UGCG: variants seen among roughly 807,000 people sequenced by gnomAD.
UGCG encodes the protein ceramide glucosyltransferase.
In UGCG, 10 loss-of-function variants were observed where a neutral mutation model predicts 49.5. That is an observed-to-expected ratio of 0.20 (90% CI 0.12 to 0.34). The LOEUF is 0.34. UGCG is among the 10% of genes least tolerant of loss of function. The probability of loss-of-function intolerance (pLI) is 1.00; values close to 1 mark genes in which losing one functional copy is unlikely to be tolerated. For missense variants in UGCG, 312 were observed against 483.7 expected, an observed-to-expected ratio of 0.65 and a Z score of 3.33; for synonymous variants, 182 against 158.2, an observed-to-expected ratio of 1.15 and a Z score of -1.13.
chr9:111,902,380 G>A (rs1479937996), intron 1 of UGCG, among the ~76,000 whole-genome samples: 1 of 152,180 alleles, frequency 6.6e-6, no homozygotes, highest in East Asian at 1.9e-4. Context: ...TGCACAAGAA[G>A]GTGTGCTTTA....
chr9:111,908,022 T>G (rs1207689690), intron 1 of UGCG, among the ~76,000 whole-genome samples: 1 of 152,142 alleles, frequency 6.6e-6, no homozygotes, highest in African/African-American at 2.4e-5. Context: ...TTTCTGATTT[T>G]TTGGTTGTTT....
intron 2 of UGCG, among the ~76,000 whole-genome samples, chr9:111,917,516 G>A (rs1432716674): frequency 6.6e-6 from 1 of 152,224 alleles, no homozygotes. Flanking sequence ...TTTTACCAGA[G>A]TATGGAAATG....
At chr9:111,930,043 C>G (rs1838395281) in intron 6 of UGCG, among the ~76,000 whole-genome samples, 1 of 152,086 alleles carries the variant, frequency 6.6e-6, no homozygotes, top group Non-Finnish European at 1.5e-5. Flanking sequence ...GTCTTGAACT[C>G]CTGAACTCAA....
Position 111,933,487 on chromosome 9 carries a change from T to C in UGCG, c.*490T>C, listed in dbSNP as rs1014568479. On this transcript the variant is annotated 3_prime_UTR_variant, in exon 9 of 9. Transcript: ENST00000374279. ...CAGTGAACAACACATGGCGAGGTAC[T>C]AACTGAGAAACTTTTTCATGCTTTA... The C allele has an allele frequency of 1.3e-5, 2 of 152,128 alleles. No individual in the cohort carries two copies. The highest frequency in any genetic ancestry group is 3.8e-4 in the East Asian group (2 of 5,204). 9.4% of individuals were successfully genotyped at this position (152,128 alleles called of 1,614,324 possible).
rs761736102 is a variant in UGCG at position 111,926,376 on chromosome 9, A to G, written c.446-8A>G. The G allele has an allele frequency of 6.3e-7, 1 of 1,583,648 alleles. No homozygotes were observed. ...TCTCCCCCTCTCTGCCTTTTTTTTA[A>G]ATTGTAGTAATTCCAGATACGCTTA... is the stretch of plus-strand genomic sequence containing the variant. On this transcript the variant is annotated splice_polypyrimidine_tract_variant and splice_region_variant and intron_variant, in intron 4 of 8. Transcript: ENST00000374279.
Position 111,931,158 on chromosome 9 carries a change from C to T in UGCG, c.738-113C>T, listed in dbSNP as rs923861287. 1.1e-5 allele frequency: 11 copies of T among 988,800 alleles called. No individual in the cohort carries two copies. In the Admixed American group the frequency reaches 1.9e-4, roughly 17 times the overall value. 61.3% of individuals were successfully genotyped at this position (988,800 alleles called of 1,614,324 possible). Reference sequence around the variant, plus strand: ...ATGTGCTAATCATGAAAGCTGGGCTCACCCTGAATACCGGCAGTTGCCTGG... The same window carrying T: ...ATGTGCTAATCATGAAAGCTGGGCTTACCCTGAATACCGGCAGTTGCCTGG... On this transcript the variant is annotated intron_variant, in intron 6 of 8. Transcript: ENST00000374279.
intron 1 of UGCG, among the ~76,000 whole-genome samples, chr9:111,909,203 A>G (rs1837950334): frequency 6.6e-6 from 1 of 152,212 alleles, no homozygotes; most frequent in African/African-American, 2.4e-5. Flanking sequence ...TATAAGCATG[A>G]GCCACTGCAC....
At chr9:111,902,817 G>A (rs1266418859) in intron 1 of UGCG, among the ~76,000 whole-genome samples, 2 of 149,468 alleles carry the variant, frequency 1.3e-5, no homozygotes, top group Admixed American at 1.3e-4. Flanking sequence ...TCATTCTGTT[G>A]CCCAGGCTGG....
chr9:111,898,773 T>C (rs1014404244), intron 1 of UGCG, among the ~76,000 whole-genome samples: 3 of 152,150 alleles, frequency 2.0e-5, no homozygotes, highest in Admixed American at 6.6e-5. Context: ...TAACCTTTTG[T>C]GACTATCCTT....
At chr9:111,909,159 A>T (rs533943351) in intron 1 of UGCG, among the ~76,000 whole-genome samples, 2 of 152,258 alleles carry the variant, frequency 1.3e-5, no homozygotes, top group South Asian at 4.1e-4. Context: ...ACCTCAAGTG[A>T]TCCGCCTGCC....
chr9:111,897,534 A>C (rs1459200423), intron 1 of UGCG, among the ~76,000 whole-genome samples: 1 of 152,142 alleles, frequency 6.6e-6, no homozygotes, highest in Non-Finnish European at 1.5e-5. Context: ...GCTGGGTTGC[A>C]GGCGACTGCC....
At chr9:111,915,565 C>T (rs1229151363) in intron 2 of UGCG, among the ~76,000 whole-genome samples, 2 of 152,152 alleles carry the variant, frequency 1.3e-5, no homozygotes, top group Non-Finnish European at 2.9e-5. Context: ...TTAGTTTTCC[C>T]TTTGCGGTCT....
chr9:111,904,347 G>C (rs1837835066), intron 1 of UGCG, among the ~76,000 whole-genome samples: 1 of 152,142 alleles, frequency 6.6e-6, no homozygotes, highest in Non-Finnish European at 1.5e-5. Context: ...GCATTGCGGT[G>C]CTGCCTGGCA....
At chr9:111,931,652 A>T (rs980894829) in intron 7 of UGCG, among the ~76,000 whole-genome samples, 9 of 152,164 alleles carry the variant, frequency 5.9e-5, no homozygotes, top group Non-Finnish European at 8.8e-5. Flanking sequence ...ATCTGTATTC[A>T]TCAGAGCGTA....
intron 2 of UGCG, among the ~76,000 whole-genome samples, chr9:111,917,222 G>A (rs1009736495): frequency 6.6e-6 from 1 of 152,140 alleles, no homozygotes; most frequent in Non-Finnish European, 1.5e-5. Flanking sequence ...CTTATATTTA[G>A]CTGTATAAAT....
At chr9:111,922,816 GAATTT>G in intron 2 of UGCG, 28 bp from the exon 3 acceptor site, 1 of 1,507,826 alleles carries the variant, frequency 6.6e-7, no homozygotes. Flanking sequence ...TTTTTTTAAA[GAATTT>G]AATTTACATA....
intron 5 of UGCG, among the ~76,000 whole-genome samples, chr9:111,926,998 A>G (rs1176451812): frequency 6.8e-6 from 1 of 146,744 alleles, no homozygotes; most frequent in African/African-American, 2.5e-5. Flanking sequence ...TCAGCCTCCC[A>G]AGTAGCTGGG....
At chr9:111,897,950 C>A (rs1183865855) in intron 1 of UGCG, among the ~76,000 whole-genome samples, 1 of 148,422 alleles carries the variant, frequency 6.7e-6, no homozygotes, top group Non-Finnish European at 1.5e-5. Flanking sequence ...CTCCCCGTGC[C>A]GGCCACATCT....
Position 111,926,454 on chromosome 9 carries a change from T to G in UGCG, c.516T>G (p.Pro172=). 1 of 1,611,004 alleles carries G rather than the reference T, an allele frequency of 6.2e-7. No individual in the cohort carries two copies. The highest frequency in any genetic ancestry group is 1.1e-5 in the South Asian group (1 of 90,650). Residue 172 remains proline (P), a synonymous_variant, in exon 5 of 9, where the codon CCT becomes CCG. Coordinates refer to ENST00000374279, the MANE Select transcript of UGCG (RefSeq NM_003358.3). ...AAGTAGGCTTGGTTCACGGGCTGCC[T>G]TACGTAGCAGACAGACAGGGCTTTG... ...TEKVGLVHGL[P]YVADRQGFAA... is the part of the protein sequence containing the mutation.
Sources: allele counts gnomAD v4.1 joint callset (sites outside exome capture counted in the v4.1 genomes callset), GRCh38; gene constraint gnomAD v4.1.1; transcripts MANE v1.5; gene names NCBI Gene and HGNC (gene_info 2026-07-23, HGNC 2026-07-21).